The following MGAM2 variants were observed in gnomAD, a reference collection of about 807,000 sequenced individuals.
MGAM2 encodes maltase-glucoamylase 2 (putative).
In MGAM2, 98 loss-of-function variants were observed where a neutral mutation model predicts 96.1. The observed-to-expected ratio is 1.02, with a 90% confidence interval of 0.87 to 1.21. The LOEUF (loss-of-function observed/expected upper bound fraction) is 1.21. Among genes scored for constraint, MGAM2 ranks in the 50% most tolerant of loss-of-function variants. The probability of loss-of-function intolerance (pLI) is 0.00; values close to 1 mark genes in which losing one functional copy is unlikely to be tolerated. For missense variants in MGAM2, 2,055 were observed against 1,182.4 expected, an observed-to-expected ratio of 1.74 and a Z score of -10.82; for synonymous variants, 749 against 414.8, an observed-to-expected ratio of 1.81 and a Z score of -9.79.
rs571827287 is a variant in MGAM2 at position 142,169,985 on chromosome 7, C to T, written c.3028-90C>T. On this transcript the variant is annotated intron_variant, in intron 26 of 47. Coordinates refer to ENST00000477922, the MANE Select transcript of MGAM2 (RefSeq NM_001293626.2). ...GCCTACTGATATGGTGCAAACTGGT[C>T]AAAAACATGGAAACTGAATTATATG... The T allele has an allele frequency of 2.1e-4, 128 of 609,138 alleles. 2 individuals are homozygous for T. The highest frequency in any genetic ancestry group is 1.6e-3 in the South Asian group (83 of 50,358). 37.7% of individuals were successfully genotyped at this position (609,138 alleles called of 1,614,324 possible).
chr7:142,161,280 G>T (rs1795881166), intron 22 of MGAM2, 67 bp downstream of exon 22: 4 of 688,598 alleles, frequency 5.8e-6, no homozygotes, highest in Non-Finnish European at 1.1e-5. Context: ...GTCATCATAG[G>T]CTGCCCAATA....
intron 45 of MGAM2, among the ~76,000 whole-genome samples, chr7:142,201,132 C>T (rs13242476): frequency 0.64 from 87,456 of 137,414 alleles, 27,894 homozygotes; most frequent in Admixed American, 0.68. Context: ...TGCAGTGGCA[C>T]GATCTCAGCT....
chr7:142,212,471 A>G (rs549791419), intron 46 of MGAM2, among the ~76,000 whole-genome samples: 127 of 152,208 alleles, frequency 8.3e-4, no homozygotes, highest in Non-Finnish European at 1.2e-3. Flanking sequence ...CTCATGTGCA[A>G]AGACACACTA....
intron 13 of MGAM2, 22 bp from the exon 14 acceptor site, chr7:142,144,839 T>C (rs1563258532): frequency 4.3e-6 from 3 of 695,506 alleles, no homozygotes; most frequent in Non-Finnish European, 7.9e-6. Flanking sequence ...TTTTACACTT[T>C]GTGTGTTTTG....
intron 2 of MGAM2, 151 bp from the exon 3 acceptor site, chr7:142,120,151 A>C (rs1208730173): frequency 1.8e-6 from 1 of 545,002 alleles, no homozygotes; most frequent in East Asian, 2.9e-5. Context: ...CAGTTTGGAG[A>C]AGTGTTAAAC....
At chr7:142,215,133 G>A (rs1430845528) in intron 46 of MGAM2, among the ~76,000 whole-genome samples, 1 of 152,156 alleles carries the variant, frequency 6.6e-6, no homozygotes, top group Non-Finnish European at 1.5e-5. Context: ...AAAAAAGAAT[G>A]AGTTCATGCC....
rs1016966546 is a variant in MGAM2, at chr7:142,208,482, T to C, written c.5138-91T>C. On this transcript the variant is annotated intron_variant, in intron 45 of 47. Coordinates refer to ENST00000477922, the MANE Select transcript of MGAM2 (RefSeq NM_001293626.2). Reference sequence around the variant, plus strand: ...ACAATCATCAGTAACTGTGACCCCATTGAGAGTGTGGTTTCTGACCACGCT... The same window carrying C: ...ACAATCATCAGTAACTGTGACCCCACTGAGAGTGTGGTTTCTGACCACGCT... The C allele has an allele frequency of 1.8e-5, 12 of 684,470 alleles. No homozygotes were observed. In the African/African-American group the frequency reaches 1.8e-4, roughly 10 times the overall value. The allele number at this position is 684,470 out of a possible 1,614,324, so 42.4% of individuals were successfully genotyped here.
Position 142,220,591 on chromosome 7 carries a change from C to G in MGAM2, c.6080C>G (p.Thr2027Arg). The change falls in exon 48 of 48, where the codon ACA becomes AGA. Residue 2027 changes from threonine (T) to arginine (R), a missense_variant. Physicochemically the swap from Thr to Arg is moderately conservative, Grantham distance 71. Coordinates refer to ENST00000477922, the MANE Select transcript of MGAM2 (RefSeq NM_001293626.2). ...CCTATCACAACCACACTTTTTGCAA[C>G]AAGTACTATTGGTGTTACAACTGGT... ...PVPITTTLFA[T>R]STIGVTTGTT... 1 of 698,362 alleles carries G rather than the reference C, an allele frequency of 1.4e-6. No homozygotes were observed. The highest frequency in any genetic ancestry group is 2.6e-6 in the Non-Finnish European group (1 of 384,578). 43.3% of individuals were successfully genotyped at this position (698,362 alleles called of 1,614,324 possible). A position where few individuals can be genotyped will look rare whatever the true frequency, so the allele number is the denominator to read the frequency against.
chr7:142,174,127 T>G (rs950010797), intron 31 of MGAM2, among the ~76,000 whole-genome samples: 1 of 152,224 alleles, frequency 6.6e-6, no homozygotes, highest in Non-Finnish European at 1.5e-5. Context: ...CCTCCAGCTT[T>G]GTTCTTTTTG....
chr7:142,180,589 A>G (rs1796507771), intron 32 of MGAM2, among the ~76,000 whole-genome samples: 1 of 152,208 alleles, frequency 6.6e-6, no homozygotes, highest in Non-Finnish European at 1.5e-5. Flanking sequence ...CTCTCTAGCA[A>G]GAATGGGGAA....
At chr7:142,164,126 C>A (rs1238720720) in intron 23 of MGAM2, among the ~76,000 whole-genome samples, 1 of 152,056 alleles carries the variant, frequency 6.6e-6, no homozygotes, top group Non-Finnish European at 1.5e-5. Context: ...GTTGCCCCAG[C>A]ACCTTTGTTG....
At chr7:142,199,854 A>G (rs1797164996) in intron 44 of MGAM2, 26 bp from the exon 45 acceptor site, 4 of 649,972 alleles carry the variant, frequency 6.2e-6, no homozygotes, top group African/African-American at 2.3e-5. Flanking sequence ...CTAGAGAAAA[A>G]TAACTCTTTT....
intron 24 of MGAM2, 101 bp from the exon 25 acceptor site, chr7:142,165,997 G>A (rs1252611461): frequency 5.2e-6 from 3 of 578,380 alleles, no homozygotes; most frequent in Admixed American, 3.1e-5. Flanking sequence ...TTGGAGGAAG[G>A]AATAGATGCC....
intron 44 of MGAM2, 120 bp downstream of exon 44, chr7:142,198,859 T>G: frequency 1.7e-6 from 1 of 593,934 alleles, no homozygotes; most frequent in Non-Finnish European, 3.0e-6. Context: ...CCAAACAGCT[T>G]TACTGGTCAG....
intron 46 of MGAM2, among the ~76,000 whole-genome samples, chr7:142,215,618 C>A (rs547699328): frequency 6.6e-6 from 1 of 151,792 alleles, no homozygotes; most frequent in African/African-American, 2.4e-5. Context: ...AAAAATTAGG[C>A]GTGGTGGCGC....
intron 7 of MGAM2, among the ~76,000 whole-genome samples, chr7:142,134,438 C>G (rs907063395): frequency 3.3e-5 from 5 of 152,082 alleles, no homozygotes; most frequent in African/African-American, 1.2e-4. Flanking sequence ...CTAGTATATA[C>G]TTCTGCCAAA....
In MGAM2 at chr7:142,171,252, G is replaced by C. The variant is rs1434383930; in HGVS notation, c.3183-20G>C. 1.0e-5 allele frequency: 7 copies of C among 702,080 alleles called. No individual in the cohort carries two copies. Among genetic ancestry groups the C allele is most frequent in the Non-Finnish European group, 1.8e-5 (7 of 384,396 alleles). 43.5% of individuals were successfully genotyped at this position (702,080 alleles called of 1,614,324 possible). ...TGGCCAGTGGTCTCCAGCTCAGCGT[G>C]ATCTGCTTTTGTGTTGCAGTTGGGA... is the stretch of plus-strand genomic sequence containing the variant. On this transcript the variant is annotated intron_variant, in intron 27 of 47. Coordinates refer to ENST00000477922, the MANE Select transcript of MGAM2 (RefSeq NM_001293626.2).
intron 6 of MGAM2, among the ~76,000 whole-genome samples, chr7:142,132,414 A>C (rs1471565868): frequency 7.1e-6 from 1 of 141,722 alleles, no homozygotes; most frequent in East Asian, 2.0e-4. Context: ...ATATAATAAT[A>C]ATATATTATT....
At chr7:142,123,737 C>T (rs977756498) in intron 3 of MGAM2, among the ~76,000 whole-genome samples, 10 of 151,894 alleles carry the variant, frequency 6.6e-5, no homozygotes, top group Admixed American at 4.6e-4. Flanking sequence ...CTCTTAATGG[C>T]GACTGTTGAT....
Sources: allele counts gnomAD v4.1 joint callset (sites outside exome capture counted in the v4.1 genomes callset), GRCh38; gene constraint gnomAD v4.1.1; transcripts MANE v1.5; gene names NCBI Gene and HGNC (gene_info 2026-07-23, HGNC 2026-07-21).